Variants in FLNA observed in about 807,000 individuals in gnomAD.
FLNA encodes the protein filamin-A.
In FLNA, 7 loss-of-function variants were observed where a neutral mutation model predicts 157.6. The ratio of observed to expected loss-of-function variants is 0.04; its 90% CI spans 0.03 to 0.08. FLNA has a LOEUF of 0.08. Ranked by LOEUF, FLNA falls within the 10% of genes least tolerant of loss-of-function variation. The probability of loss-of-function intolerance (pLI) is 1.00; values close to 1 mark genes in which losing one functional copy is unlikely to be tolerated. For missense variants in FLNA, 1,750 were observed against 2,398.4 expected (o/e 0.73, Z 5.65); for synonymous variants, 1,103 against 1,060.8 (o/e 1.04, Z -0.77).
chrX:154,373,689 G>A (rs1215698449), intron 1 of FLNA, among the ~76,000 whole-genome samples: 1 of 112,746 alleles, frequency 8.9e-6, no homozygotes, highest in Admixed American at 9.3e-5. Flanking sequence ...CCAGGCCTGC[G>A]TAGCCAGGGG....
intron 2 of FLNA, among the ~76,000 whole-genome samples, chrX:154,369,399 G>A (rs1355576723): frequency 1.8e-5 from 2 of 111,990 alleles, no homozygotes; most frequent in African/African-American, 6.5e-5. Context: ...GGCCCACCAG[G>A]TCCATGTTAG....
Position 154,359,338 on chromosome X carries a change from T to C in FLNA, c.4211A>G (p.Asp1404Gly), listed in dbSNP as rs2067686513. Residue 1404 changes from aspartate to glycine, a missense_variant, in exon 25 of 48, where the codon GAT becomes GGT. By Grantham distance (94) the Asp-to-Gly change is moderately conservative. This residue lies in a region of FLNA where 970 missense variants were observed against 1,302.6 expected (regional missense o/e 0.74). Transcript: ENST00000369850. ...GACCGAGCAGCTGCCGTCCTTGTTA[T>C]CCATGCAGGACATCTTGGCCTCGGA... ...GPSEAKMSCM[D>G]NKDGSCSVEY... The C allele has an allele frequency of 5.0e-6, 6 of 1,209,822 alleles. No homozygotes were observed. Among genetic ancestry groups the C allele is most frequent in the African/African-American group, 1.7e-5 (1 of 57,418 alleles).
In FLNA at chrX:154,348,938, G is replaced by T; in HGVS notation, c.7855C>A (p.Leu2619Met). Reference protein sequence around the residue: ...VGSRLYSVSYLLKDKGEYTLV... With the variant: ...VGSRLYSVSYMLKDKGEYTLV... ...GTGTACTCCCCCTTGTCCTTGAGCA[G>T]GTAGGACACGCTGTAGAGCCGGCTG... is the stretch of plus-strand genomic sequence containing the variant. Residue 2619 changes from leucine to methionine, a missense_variant, in exon 48 of 48, where the codon CTG (leucine) becomes ATG (methionine). Physicochemically the swap from Leu to Met is conservative, Grantham distance 15. This residue lies in a region of FLNA where 970 missense variants were observed against 1,302.6 expected (regional missense o/e 0.74). Coordinates refer to ENST00000369850, the MANE Select transcript of FLNA (RefSeq NM_001110556.2). 8.3e-7 allele frequency: 1 copy of T among 1,210,591 alleles called. No homozygotes were observed. Among genetic ancestry groups the T allele is most frequent in the Non-Finnish European group, 1.1e-6 (1 of 894,422 alleles).
rs781941043 is a variant in FLNA at position 154,349,584 on chromosome X, G to A, written c.7553-19C>T. ...CGGGGGCCTGCAAGGCAGAGTGGGTGGGGCTAAGAGGTGGCTGTGGTGCCG... is the reference window on the plus strand; with the variant it reads ...CGGGGGCCTGCAAGGCAGAGTGGGTAGGGCTAAGAGGTGGCTGTGGTGCCG... On this transcript the variant is annotated intron_variant, in intron 46 of 47. Coordinates refer to ENST00000369850, the MANE Select transcript of FLNA (RefSeq NM_001110556.2). The A allele has an allele frequency of 8.3e-7, 1 of 1,210,206 alleles. No individual in the cohort carries two copies. The highest frequency in any genetic ancestry group is 3.0e-5 in the East Asian group (1 of 33,869).
Position 154,362,321 on chromosome X carries a change from G to A in FLNA, c.2577C>T (p.Thr859=), listed in dbSNP as rs1557178205. Reference sequence around the variant, plus strand: ...GCTCCACCTTGACTCGGATGGGGCTGGTGGGCGTGGCCTGCAGGCAGTGGG... The same window carrying A: ...GCTCCACCTTGACTCGGATGGGGCTAGTGGGCGTGGCCTGCAGGCAGTGGG... ...MVLFADQATP[T]SPIRVKVEPS... Residue 859 remains threonine, a synonymous_variant, in exon 18 of 48, where the codon ACC becomes ACT. Transcript: ENST00000369850. The A allele has an allele frequency of 8.3e-7, 1 of 1,211,220 alleles. No individual in the cohort carries two copies. The highest frequency in any genetic ancestry group is 2.2e-5 in the Admixed American group (1 of 46,102).
chrX:154,359,250 C>T lies in FLNA; in HGVS notation c.4299G>A (p.Val1433=). ...SLNVTYGGHQ[V]PGSPFKVPVH... ...CCCTGGCCGCCACCTCCTCACCTGG[C>T]ACTTGATGGCCACCATAGGTGACGT... is the stretch of plus-strand genomic sequence containing the variant. The change falls in exon 25 of 48, where the codon GTG becomes GTA. Residue 1433 remains valine (V), a synonymous_variant. Coordinates refer to ENST00000369850, the MANE Select transcript of FLNA (RefSeq NM_001110556.2). 8.3e-7 allele frequency: 1 copy of T among 1,211,478 alleles called. No individual in the cohort carries two copies. The highest frequency in any genetic ancestry group is 1.8e-5 in the South Asian group (1 of 57,056).
chrX:154,365,523 G>A (rs781805316), intron 9 of FLNA, 37 bp from the exon 10 acceptor site: 13 of 1,201,279 alleles, frequency 1.1e-5, no homozygotes, highest in Non-Finnish European at 1.5e-5. Flanking sequence ...CCAGCAGCTC[G>A]GCTGGGCGAC....
At chrX:154,361,090 A>G (rs1557177944) in intron 21 of FLNA, among the ~76,000 whole-genome samples, 10 of 103,050 alleles carry the variant, frequency 9.7e-5, no homozygotes, top group African/African-American at 2.8e-4. Flanking sequence ...GAAAGAAAAA[A>G]AAAAAAAAGA....
At chrX:154,350,884 C>A in intron 44 of FLNA, 25 bp downstream of exon 44, 1 of 1,205,483 alleles carries the variant, frequency 8.3e-7, no homozygotes, top group Non-Finnish European at 1.1e-6. Context: ...CAGGGCAGGG[C>A]GGCCGGGCAG....
Position 154,365,416 on chromosome X carries a change from T to C in FLNA, c.1500A>G (p.Thr500=), listed in dbSNP as rs1557178994. The change falls in exon 10 of 48, where the codon ACA becomes ACG. Residue 500 remains threonine, a synonymous_variant. Coordinates refer to ENST00000369850, the MANE Select transcript of FLNA (RefSeq NM_001110556.2). ...LQPKGVRVKE[T]ADFKVYTKGA... ...CCTTTGTGTACACCTTGAAGTCAGC[T>C]GTCTCCTTCACCCGCACACCCTTGG... The C allele has an allele frequency of 8.3e-7, 1 of 1,211,596 alleles. No homozygotes were observed. Among genetic ancestry groups the C allele is most frequent in the Non-Finnish European group, 1.1e-6 (1 of 895,344 alleles).
Position 154,348,771 on chromosome X carries a change from G to T in FLNA, c.*78C>A. ...GCGGGCGGCCAGGGCGGCCTGGGCC[G>T]GGGTTGAGGGGAAGAGGGCGGGGCT... is the stretch of plus-strand genomic sequence containing the variant. On this transcript the variant is annotated 3_prime_UTR_variant, in exon 48 of 48. Coordinates refer to ENST00000369850, the MANE Select transcript of FLNA (RefSeq NM_001110556.2). The T allele has an allele frequency of 1.0e-6, 1 of 1,001,048 alleles. No homozygotes were observed. The highest frequency in any genetic ancestry group is 3.2e-5 in the East Asian group (1 of 31,351). 82.5% of individuals were successfully genotyped at this position (1,001,048 alleles called of 1,213,427 possible).
At chrX:154,366,511 C>T in intron 7 of FLNA, 41 bp from the exon 8 acceptor site, 1 of 1,207,881 alleles carries the variant, frequency 8.3e-7, no homozygotes, top group Admixed American at 2.2e-5. Flanking sequence ...GGGCTGGGGG[C>T]CTCCAGCCAC....
chrX:154,362,534 G>A lies in FLNA; in HGVS notation c.2449C>T (p.Pro817Ser), dbSNP rs200053635. The change falls in exon 17 of 48, where the codon CCC (proline) becomes TCC (serine). Residue 817 changes from proline (P) to serine (S), a missense_variant. Around this residue, in one of 5 missense-constraint regions of FLNA, gnomAD observed 648 missense variants for 805.8 expected, o/e 0.80. Transcript: ENST00000369850. ...GIKCAPGVVGPAEADIDFDII... is the reference protein window; with the variant it reads ...GIKCAPGVVGSAEADIDFDII... ...TCGAAGTCGATGTCAGCTTCGGCGG[G>A]GCCTACCACTCCAGGGGCACACTTG... The A allele has an allele frequency of 4.5e-4, 540 of 1,210,103 alleles. No homozygotes were observed. The highest frequency in any genetic ancestry group is 9.3e-4 in the South Asian group (53 of 56,926).
At chrX:154,363,452 T>C (rs906391349) in intron 15 of FLNA, among the ~76,000 whole-genome samples, 8 of 107,521 alleles carry the variant, frequency 7.4e-5, no homozygotes, top group Admixed American at 3.9e-4. Flanking sequence ...CGGTGGCTCA[T>C]GCCTGTCATC....
chrX:154,374,079 G>A (rs1300152327), intron 1 of FLNA, among the ~76,000 whole-genome samples: 2 of 112,365 alleles, frequency 1.8e-5, no homozygotes, highest in African/African-American at 6.5e-5. Context: ...AGCCAGCAAG[G>A]GACACGCTGT....
rs781899192 is a variant in FLNA, at chrX:154,357,403, C to T, written c.4945+31G>A. ...GGCACAACCCAAGCCCCGTGCCGAG[C>T]GCCGCAGCGGCCAACAGCGGGCGGG... On this transcript the variant is annotated intron_variant, in intron 29 of 47. Transcript: ENST00000369850. 2.8e-5 allele frequency: 34 copies of T among 1,200,194 alleles called. No individual in the cohort carries two copies. In the Admixed American group the frequency reaches 5.5e-4, roughly 19 times the overall value.
rs2148121927 is a variant in FLNA at position 154,371,005 on chromosome X, A to G, written c.241T>C (p.Leu81=). The G allele has an allele frequency of 8.3e-7, 1 of 1,209,770 alleles. No individual in the cohort carries two copies. Among genetic ancestry groups the G allele is most frequent in the Non-Finnish European group, 1.1e-6 (1 of 894,507 alleles). ...ATCTTCTTCTGGCTGAGCACCTCCAACAGCGCGATAAGCCGCAGCCCGTCG... is the reference window on the plus strand; with the variant it reads ...ATCTTCTTCTGGCTGAGCACCTCCAGCAGCGCGATAAGCCGCAGCCCGTCG... ...LSDGLRLIAL[L]EVLSQKKMHR... The change falls in exon 2 of 48, where the codon TTG becomes CTG. Residue 81 remains leucine, a synonymous_variant. Transcript: ENST00000369850.
In FLNA at chrX:154,366,891, G is replaced by A. The variant is rs4898479; in HGVS notation, c.869-41C>T. ...GAGCCAACCACGGGCCAGCTGTTAA[G>A]GCCACAGCCTCACCCCTCCACCCTT... On this transcript the variant is annotated intron_variant, in intron 5 of 47. Transcript: ENST00000369850. 238,397 of 1,065,549 alleles carry A rather than the reference G, an allele frequency of 0.22. 18,424 individuals carry two copies. The highest frequency in any genetic ancestry group is 0.54 in the South Asian group (29,264 of 54,345). The allele number at this position is 1,065,549 out of a possible 1,213,427, so 87.8% of individuals were successfully genotyped here.
At chrX:154,361,264 A>C (rs1210074411) in intron 21 of FLNA, 44 bp downstream of exon 21, 1 of 1,180,573 alleles carries the variant, frequency 8.5e-7, no homozygotes, top group African/African-American at 1.8e-5. Context: ...GCCCTCAGAG[A>C]GCACAGTGGG....
Sources: gnomAD v4.1 joint callset for allele counts (sites outside exome capture counted in the v4.1 genomes callset) on GRCh38, gnomAD v4.1.1 for gene constraint, gnomAD v4.1.1 regional missense constraint, MANE v1.5 for transcripts, NCBI Gene and HGNC (gene_info 2026-07-23, HGNC 2026-07-21) for gene names.